FGF12: variants seen among roughly 807,000 people sequenced by gnomAD.
FGF12 encodes fibroblast growth factor 12.
In FGF12, 14 loss-of-function variants were observed where a neutral mutation model predicts 23.6. The ratio of observed to expected loss-of-function variants is 0.59; its 90% CI spans 0.39 to 0.93. FGF12 has a LOEUF of 0.93. Among genes scored for constraint, FGF12 ranks in the 40% least tolerant of loss-of-function variants. FGF12 has a pLI of 0.00. For missense variants in FGF12, 175 were observed against 217.8 expected (o/e 0.80, Z 1.24); for synonymous variants, 62 against 77.3 (o/e 0.80, Z 1.04).
intron 4 of FGF12, among the ~76,000 whole-genome samples, chr3:192,281,211 C>A (rs2108639542): frequency 6.6e-6 from 1 of 152,288 alleles, no homozygotes; most frequent in South Asian, 2.1e-4. Flanking sequence ...CCCTCTGAAT[C>A]CTCTAGGGAA....
At chr3:192,287,531 G>A (rs1363414136) in intron 4 of FGF12, among the ~76,000 whole-genome samples, 1 of 151,984 alleles carries the variant, frequency 6.6e-6, no homozygotes, top group Admixed American at 6.6e-5. Flanking sequence ...AGCTCCGAAA[G>A]CTAGCACAGA....
At chr3:192,415,651 C>A (rs961714981) in intron 2 of FGF12, among the ~76,000 whole-genome samples, 1 of 150,828 alleles carries the variant, frequency 6.6e-6, no homozygotes, top group Non-Finnish European at 1.5e-5. Flanking sequence ...GTACATGGTA[C>A]CTAGGTTTCT....
chr3:192,591,144 G>T (rs975285681), intron 2 of FGF12, among the ~76,000 whole-genome samples: 3 of 151,310 alleles, frequency 2.0e-5, no homozygotes, highest in Admixed American at 2.0e-4. Context: ...TATCTATGGA[G>T]ACCAGGCAAA....
chr3:192,246,211 C>A (rs550618423), intron 4 of FGF12, among the ~76,000 whole-genome samples: 1 of 152,098 alleles, frequency 6.6e-6, no homozygotes, highest in South Asian at 2.1e-4. Flanking sequence ...TAATTACATA[C>A]TTGATTACAT....
At chr3:192,393,607 G>A (rs934346099) in intron 2 of FGF12, among the ~76,000 whole-genome samples, 3 of 151,744 alleles carry the variant, frequency 2.0e-5, no homozygotes, top group African/African-American at 7.3e-5. Context: ...ATACTGCACA[G>A]ATAAAGAAAA....
intron 2 of FGF12, among the ~76,000 whole-genome samples, chr3:192,548,317 A>C (rs2108583177): frequency 6.6e-6 from 1 of 152,280 alleles, no homozygotes; most frequent in African/African-American, 2.4e-5. Flanking sequence ...TAAAACACGA[A>C]TCAGAAATAT....
At chr3:192,359,555 A>G (rs1718625715) in intron 3 of FGF12, among the ~76,000 whole-genome samples, 1 of 152,190 alleles carries the variant, frequency 6.6e-6, no homozygotes, top group Non-Finnish European at 1.5e-5. Context: ...ATAATTTTAG[A>G]ATGACATGAA....
chr3:192,520,501 A>G (rs1304859074), intron 2 of FGF12, among the ~76,000 whole-genome samples: 3 of 152,166 alleles, frequency 2.0e-5, no homozygotes, highest in African/African-American at 4.8e-5. Context: ...ACAGTATCCA[A>G]TCAAAATACT....
In FGF12 at chr3:192,169,515, C is replaced by T. The variant is rs114512582; in HGVS notation, c.427+943G>A. On this transcript the variant is annotated intron_variant, in intron 5 of 5. Transcript: ENST00000445105. The stretch of plus-strand genomic sequence containing the variant: ...TATTGACTTAAATGTTTGCAGTCAC[C>T]GTGCTATGTACTATGCACCAGGCAT... Among the ~76,000 whole-genome samples the T allele has an allele frequency of 7.5e-3, 1,146 of 152,106 alleles. 14 individuals carry two copies. The highest frequency in any genetic ancestry group is 0.027 in the African/African-American group (1,100 of 41,490).
intron 2 of FGF12, among the ~76,000 whole-genome samples, chr3:192,401,570 C>T (rs1205228354): frequency 6.6e-6 from 1 of 152,250 alleles, no homozygotes; most frequent in Non-Finnish European, 1.5e-5. Flanking sequence ...AGCCTCCTTA[C>T]TGTTCCCTTG....
chr3:192,576,766 T>C (rs549960446), intron 2 of FGF12, among the ~76,000 whole-genome samples: 35 of 152,282 alleles, frequency 2.3e-4, no homozygotes, highest in South Asian at 2.3e-3. Flanking sequence ...ATCATGTTTA[T>C]TGCGGCACTA....
At position 192,345,249 on chromosome 3, in the gene FGF12, G is replaced by A. The variant is rs75451786; in HGVS notation, c.125-9785C>T. On this transcript the variant is annotated intron_variant, in intron 3 of 5. Transcript: ENST00000445105. ...CTAAAATAGATAAAAGTAACCACAT[G>A]TGTAATATGTATCCATCTTTACAGA... Among the ~76,000 whole-genome samples, 791 of 152,270 alleles carry A rather than the reference G, an allele frequency of 5.2e-3. 30 individuals are homozygous for A. In the East Asian group the frequency reaches 0.079, roughly 15 times the overall value.
At chr3:192,690,832 TAC>T (rs1239830797) in intron 2 of FGF12, among the ~76,000 whole-genome samples, 1 of 151,922 alleles carries the variant, frequency 6.6e-6, no homozygotes, top group African/African-American at 2.4e-5. Context: ...TTTAAGAACA[TAC>T]ACAGACTGAA....
chr3:192,708,167 G>T (rs1432777970), intron 2 of FGF12, among the ~76,000 whole-genome samples: 1 of 152,172 alleles, frequency 6.6e-6, no homozygotes, highest in South Asian at 2.1e-4. Flanking sequence ...CACCGTGTTA[G>T]CCAGGTTGGT....
chr3:192,670,085 T>A (rs1255441087), intron 2 of FGF12, among the ~76,000 whole-genome samples: 1 of 152,144 alleles, frequency 6.6e-6, no homozygotes, highest in African/African-American at 2.4e-5. Context: ...TCCAACTATA[T>A]CCCATACGAG....
chr3:192,312,610 G>A (rs1039669455), intron 4 of FGF12, among the ~76,000 whole-genome samples: 30 of 151,792 alleles, frequency 2.0e-4, no homozygotes, highest in African/African-American at 2.9e-4. Context: ...TAGTCAAAAC[G>A]CAAAGATAAT....
At chr3:192,174,712 T>G (rs191857774) in intron 4 of FGF12, among the ~76,000 whole-genome samples, 53 of 148,548 alleles carry the variant, frequency 3.6e-4, no homozygotes, top group African/African-American at 1.3e-3. Flanking sequence ...TTTTTTTTTG[T>G]AATGAGAAAT....
At chr3:192,212,292 A>G (rs1030201484) in intron 4 of FGF12, among the ~76,000 whole-genome samples, 1 of 152,220 alleles carries the variant, frequency 6.6e-6, no homozygotes, top group Admixed American at 6.5e-5. Flanking sequence ...TATATTGATA[A>G]TGAATACGAA....
intron 2 of FGF12, among the ~76,000 whole-genome samples, chr3:192,597,169 C>G (rs1481284519): frequency 6.6e-6 from 1 of 152,004 alleles, no homozygotes; most frequent in Non-Finnish European, 1.5e-5. Flanking sequence ...TAATTCCTAC[C>G]CTAACTTATT....
Sources: gnomAD v4.1 joint callset for allele counts (sites outside exome capture counted in the v4.1 genomes callset) on GRCh38, gnomAD v4.1.1 for gene constraint, MANE v1.5 for transcripts, NCBI Gene and HGNC (gene_info 2026-07-23, HGNC 2026-07-21) for gene names.